Variants in CSGALNACT1 observed in about 807,000 individuals in gnomAD.
CSGALNACT1 encodes the protein beta4GalNAcT-1.
In CSGALNACT1, 52 loss-of-function variants were observed where a neutral mutation model predicts 51.0. The ratio of observed to expected loss-of-function variants is 1.02; its 90% CI spans 0.82 to 1.29. The LOEUF is 1.29. CSGALNACT1 is among the 50% of genes most tolerant of loss of function. CSGALNACT1 has a pLI of 0.00. For synonymous variants in CSGALNACT1, 341 were observed against 254.4 expected (o/e 1.34, Z -3.24); for missense variants, 935 against 679.2 (o/e 1.38, Z -4.19).
intron 4 of CSGALNACT1, among the ~76,000 whole-genome samples, chr8:19,475,258 C>G: frequency 6.6e-6 from 1 of 152,014 alleles, no homozygotes; most frequent in Non-Finnish European, 1.5e-5. Context: ...GGAAATAGAC[C>G]AGGTAGAGAA....
intron 1 of CSGALNACT1, among the ~76,000 whole-genome samples, chr8:19,658,669 G>A (rs941885112): frequency 6.6e-6 from 1 of 152,164 alleles, no homozygotes; most frequent in African/African-American, 2.4e-5. Context: ...GGGGGGCAGA[G>A]GTTACAGTGA....
At chr8:19,682,965 C>G (rs908888999), upstream of CSGALNACT1, 9 of 297,652 alleles carry the variant, frequency 3.0e-5, no homozygotes, top group Non-Finnish European at 6.1e-5. Flanking sequence ...CGCTGCAGTC[C>G]TTCGTAAACC....
At chr8:19,440,245 T>C (rs930215457) in intron 5 of CSGALNACT1, among the ~76,000 whole-genome samples, 1 of 152,074 alleles carries the variant, frequency 6.6e-6, no homozygotes, top group African/African-American at 2.4e-5. Context: ...GTCCTTGGGG[T>C]CCCTGGTTCT....
At chr8:19,567,270 T>A (rs564494446) in intron 3 of CSGALNACT1, among the ~76,000 whole-genome samples, 1 of 152,294 alleles carries the variant, frequency 6.6e-6, no homozygotes, top group East Asian at 1.9e-4. Flanking sequence ...GAGACTTAGG[T>A]GACTGTAAAC....
chr8:19,598,581 C>T (rs377108473), intron 2 of CSGALNACT1, among the ~76,000 whole-genome samples: 26 of 152,232 alleles, frequency 1.7e-4, no homozygotes, highest in African/African-American at 5.1e-4. Context: ...AAAATGATTG[C>T]GTCAGCTACT....
In CSGALNACT1 at chr8:19,411,833, CTT is replaced by C. The variant is rs35593808; in HGVS notation, c.1228-3141_1228-3140del. 7.3e-3 allele frequency among the ~76,000 whole-genome samples: 987 copies of C among 135,514 alleles called. 5 individuals carry two copies. Among genetic ancestry groups the C allele is most frequent in the African/African-American group, 0.014 (485 of 35,854 alleles). The allele number at this position is 135,514 out of a possible 152,430, so 88.9% of individuals were successfully genotyped here. ...TGATCTGTTTCCAAGCACTATCCTCCTTTTTTTTTTTTTTTTTGACGGAGTCT... is the reference window on the plus strand; with the variant it reads ...TGATCTGTTTCCAAGCACTATCCTCCTTTTTTTTTTTTTTTGACGGAGTCT... On this transcript the variant is annotated intron_variant, in intron 8 of 9. Transcript: ENST00000454498.
At chr8:19,485,281 G>A (rs1043227360) in intron 4 of CSGALNACT1, among the ~76,000 whole-genome samples, 4 of 152,012 alleles carry the variant, frequency 2.6e-5, no homozygotes, top group South Asian at 2.1e-4. Context: ...AGTCATCCCC[G>A]ACTCTTCTCT....
chr8:19,716,248 C>T (rs2062801809), intron 1 of CSGALNACT1, among the ~76,000 whole-genome samples: 1 of 152,052 alleles, frequency 6.6e-6, no homozygotes. Context: ...AACTCCCCTC[C>T]CTCCATGCTC....
chr8:19,462,357 C>A (rs1357180199), intron 4 of CSGALNACT1, among the ~76,000 whole-genome samples: 2 of 151,836 alleles, frequency 1.3e-5, no homozygotes, highest in Non-Finnish European at 2.9e-5. Context: ...TTTTTTTTCC[C>A]AATGAAGTCA....
intron 1 of CSGALNACT1, among the ~76,000 whole-genome samples, chr8:19,617,618 G>C (rs889160980): frequency 3.9e-5 from 6 of 152,232 alleles, no homozygotes; most frequent in South Asian, 4.1e-4. Context: ...CTAGAAAAAA[G>C]AATGTGCCAA....
chr8:19,725,813 A>T (rs892265160), intron 1 of CSGALNACT1, among the ~76,000 whole-genome samples: 3 of 151,454 alleles, frequency 2.0e-5, no homozygotes, highest in African/African-American at 7.3e-5. Context: ...TATACCCTCT[A>T]CCCCCAACAC....
At chr8:19,440,358 G>C (rs956746951) in intron 5 of CSGALNACT1, among the ~76,000 whole-genome samples, 4 of 152,008 alleles carry the variant, frequency 2.6e-5, no homozygotes, top group African/African-American at 9.7e-5. Flanking sequence ...ACATCAAAAA[G>C]CTTATCCACC....
At chr8:19,419,924 G>A (rs1396011776) in intron 7 of CSGALNACT1, among the ~76,000 whole-genome samples, 1 of 152,186 alleles carries the variant, frequency 6.6e-6, no homozygotes, top group East Asian at 1.9e-4. Context: ...CTGGTGGGAG[G>A]TAACTGAATG....
At chr8:19,690,697 C>T (rs1236977506) in intron 1 of CSGALNACT1, among the ~76,000 whole-genome samples, 1 of 152,166 alleles carries the variant, frequency 6.6e-6, no homozygotes, top group Non-Finnish European at 1.5e-5. Context: ...AATAACGATA[C>T]TCTGAATTAA....
chr8:19,530,666 G>A (rs986764152), intron 3 of CSGALNACT1, among the ~76,000 whole-genome samples: 4 of 152,068 alleles, frequency 2.6e-5, no homozygotes, highest in Admixed American at 6.6e-5. Flanking sequence ...AAGAGATCGG[G>A]GCTATAGCGA....
intron 1 of CSGALNACT1, among the ~76,000 whole-genome samples, chr8:19,729,714 C>T (rs575975024): frequency 6.6e-6 from 1 of 152,280 alleles, no homozygotes; most frequent in South Asian, 2.1e-4. Context: ...GGAGAACATG[C>T]TACGAATGCC....
At chr8:19,652,485 G>C (rs1223251549) in intron 1 of CSGALNACT1, among the ~76,000 whole-genome samples, 1 of 152,082 alleles carries the variant, frequency 6.6e-6, no homozygotes, top group Non-Finnish European at 1.5e-5. Context: ...TGAACTGTCT[G>C]TCTTCCCATC....
chr8:19,419,242 G>C (rs181498254), intron 7 of CSGALNACT1, among the ~76,000 whole-genome samples: 1 of 152,286 alleles, frequency 6.6e-6, no homozygotes, highest in East Asian at 1.9e-4. Context: ...AAATATTTCT[G>C]ATCTCCCAGC....
At chr8:19,505,950 T>G in exon 4 of CSGALNACT1, 1 of 1,176,526 alleles carries the variant, frequency 8.5e-7, no homozygotes, top group Non-Finnish European at 1.2e-6. Context: ...CCGGAGCTGC[T>G]TGCATCCATT....
Sources: gnomAD v4.1 joint callset for allele counts (sites outside exome capture counted in the v4.1 genomes callset) on GRCh38, gnomAD v4.1.1 for gene constraint, MANE v1.5 for transcripts, NCBI Gene and HGNC (gene_info 2026-07-23, HGNC 2026-07-21) for gene names.